The following ERC1 variants were observed in gnomAD, a reference collection of about 807,000 sequenced individuals.
ERC1 encodes RAB6 interacting protein 2.
Under a neutral mutation model 132.0 loss-of-function variants are expected in ERC1, and 56 were observed. The observed-to-expected ratio is 0.42, with a 90% CI of 0.34 to 0.53. ERC1 has a LOEUF of 0.53. Among genes scored for constraint, ERC1 ranks in the 20% least tolerant of loss-of-function variants. The probability of loss-of-function intolerance (pLI) is 0.03; values close to 1 mark genes in which losing one functional copy is unlikely to be tolerated. For synonymous variants in ERC1, 478 were observed against 476.1 expected (o/e 1.00, Z -0.05); for missense variants, 1,202 against 1,349.9 (o/e 0.89, Z 1.72).
intron 17 of ERC1, among the ~76,000 whole-genome samples, chr12:1,423,450 T>C (rs1159898932): frequency 6.6e-6 from 1 of 152,202 alleles, no homozygotes; most frequent in Non-Finnish European, 1.5e-5. Flanking sequence ...CATTGTATTG[T>C]CTTAATTATT....
chr12:1,162,282 T>G (rs1951954310), intron 8 of ERC1, among the ~76,000 whole-genome samples: 2 of 152,248 alleles, frequency 1.3e-5, no homozygotes. Context: ...AATAAATCAC[T>G]GACCTGGAAA....
At position 1,244,781 on chromosome 12, in the gene ERC1, A is replaced by G. The variant is rs370733977; in HGVS notation, c.2487+7877A>G. 2.5e-3 allele frequency: 672 copies of G among 267,034 alleles called. 18 individuals carry two copies. Among genetic ancestry groups the G allele is most frequent in the South Asian group, 0.022 (657 of 29,760 alleles). The allele number at this position is 267,034 out of a possible 1,614,324, so 16.5% of individuals were successfully genotyped here. On this transcript the variant is annotated intron_variant, in intron 13 of 18. Coordinates refer to ENST00000360905, the MANE Select transcript of ERC1 (RefSeq NM_178040.4). ...TGATCTGCCTGCCTCGGCCTCTACA[A>G]GTGCTGGGATTACAGGTGTGAACCA... is the stretch of plus-strand genomic sequence containing the variant.
At position 1,371,899 on chromosome 12, in the gene ERC1, C is replaced by G; in HGVS notation, c.2847C>G (p.Ser949=). The G allele has an allele frequency of 6.2e-7, 1 of 1,614,098 alleles. No homozygotes were observed. Among genetic ancestry groups the G allele is most frequent in the Non-Finnish European group, 8.5e-7 (1 of 1,180,010 alleles). ...ATATAGCTCTCTTGGAGCTTTCGTC[C>G]TCTAAGAAGAAGACCCAAGAGGAAG... ...DANIALLELS[S]SKKKTQEEVA... The change falls in exon 16 of 19, where the codon TCC becomes TCG. Residue 949 remains serine, a synonymous_variant. Coordinates refer to ENST00000360905, the MANE Select transcript of ERC1 (RefSeq NM_178040.4).
Position 1,289,845 on chromosome 12 carries a change from A to G in ERC1, c.2620-7A>G. On this transcript the variant is annotated splice_region_variant and splice_polypyrimidine_tract_variant and intron_variant, in intron 14 of 18. Transcript: ENST00000360905. Reference sequence around the variant, plus strand: ...CTCTGTTGTTCTCTTTCCCATATTTATGATAGGTGGAGGAGTTACTGATGG... The same window carrying G: ...CTCTGTTGTTCTCTTTCCCATATTTGTGATAGGTGGAGGAGTTACTGATGG... The G allele has an allele frequency of 6.2e-7, 1 of 1,612,182 alleles. No individual in the cohort carries two copies. Among genetic ancestry groups the G allele is most frequent in the Non-Finnish European group, 8.5e-7 (1 of 1,178,496 alleles).
At chr12:1,239,362 A>G (rs1379154166) in intron 13 of ERC1, among the ~76,000 whole-genome samples, 1 of 152,006 alleles carries the variant, frequency 6.6e-6, no homozygotes, top group Non-Finnish European at 1.5e-5. Flanking sequence ...GGCCCTATGG[A>G]TCATATTTAG....
chr12:1,011,231 C>A (rs1180866948), intron 1 of ERC1, among the ~76,000 whole-genome samples: 3 of 152,142 alleles, frequency 2.0e-5, no homozygotes, highest in Non-Finnish European at 2.9e-5. Context: ...CAAGGTCTCA[C>A]TCCGTCACCC....
chr12:1,381,414 A>G (rs1254537954), intron 16 of ERC1, among the ~76,000 whole-genome samples: 1 of 152,124 alleles, frequency 6.6e-6, no homozygotes, highest in Non-Finnish European at 1.5e-5. Flanking sequence ...TGCGGTGTGC[A>G]GTCATAGCTC....
intron 17 of ERC1, among the ~76,000 whole-genome samples, chr12:1,413,795 A>G (rs1212561452): frequency 6.6e-6 from 1 of 152,242 alleles, no homozygotes; most frequent in Non-Finnish European, 1.5e-5. Context: ...TGGGTCCAAT[A>G]GCCATGAAGT....
intron 15 of ERC1, among the ~76,000 whole-genome samples, chr12:1,367,666 C>A (rs953354179): frequency 6.6e-6 from 1 of 152,096 alleles, no homozygotes; most frequent in Non-Finnish European, 1.5e-5. Context: ...GAAATTTGCC[C>A]AGATGGGGGA....
chr12:1,221,074 T>A (rs1487793566), intron 12 of ERC1, among the ~76,000 whole-genome samples: 1 of 152,216 alleles, frequency 6.6e-6, no homozygotes, highest in Non-Finnish European at 1.5e-5. Flanking sequence ...CTTATCACTG[T>A]CTGACATACC....
intron 18 of ERC1, among the ~76,000 whole-genome samples, chr12:1,452,057 G>A (rs569739051): frequency 6.6e-6 from 1 of 152,252 alleles, no homozygotes; most frequent in East Asian, 1.9e-4. Context: ...TTGGATTTCT[G>A]GCTTCCAGAA....
chr12:1,103,517 G>T (rs1242997488), intron 3 of ERC1, among the ~76,000 whole-genome samples: 1 of 152,200 alleles, frequency 6.6e-6, no homozygotes, highest in Non-Finnish European at 1.5e-5. Context: ...GGATTAAAAG[G>T]TATATTTTTG....
chr12:1,297,178 TG>T (rs1399308041), intron 15 of ERC1, among the ~76,000 whole-genome samples: 1 of 141,390 alleles, frequency 7.1e-6, no homozygotes, highest in Non-Finnish European at 1.5e-5. Flanking sequence ...CTGAAGACAA[TG>T]GAACTTCTTT....
chr12:1,010,876 A>G (rs1479881633), intron 1 of ERC1, among the ~76,000 whole-genome samples: 2 of 152,080 alleles, frequency 1.3e-5, no homozygotes, highest in Non-Finnish European at 2.9e-5. Context: ...GCAGTGTGCC[A>G]TTCCACCCGT....
intron 11 of ERC1, among the ~76,000 whole-genome samples, chr12:1,188,873 C>T (rs909656318): frequency 6.6e-6 from 1 of 152,058 alleles, no homozygotes; most frequent in African/African-American, 2.4e-5. Flanking sequence ...AACGTCTAAG[C>T]TTTTGTCTTC....
intron 15 of ERC1, among the ~76,000 whole-genome samples, chr12:1,355,858 T>C (rs74057165): frequency 0.067 from 10,131 of 151,966 alleles, 620 homozygotes; most frequent in African/African-American, 0.15. Flanking sequence ...GCTTCAGAAA[T>C]GGGAAAAATG....
intron 8 of ERC1, among the ~76,000 whole-genome samples, chr12:1,150,961 G>T (rs1446644609): frequency 1.3e-5 from 2 of 152,160 alleles, no homozygotes; most frequent in Admixed American, 1.3e-4. Context: ...TAATGTATCC[G>T]TGTTGATTAA....
intron 18 of ERC1, among the ~76,000 whole-genome samples, chr12:1,454,661 G>A (rs952884656): frequency 3.3e-5 from 5 of 152,148 alleles, no homozygotes; most frequent in African/African-American, 1.2e-4. Flanking sequence ...AATAATTAAA[G>A]TCTTCTTTGT....
intron 17 of ERC1, among the ~76,000 whole-genome samples, chr12:1,421,786 G>A (rs564279657): frequency 8.9e-4 from 135 of 152,132 alleles, no homozygotes; most frequent in Non-Finnish European, 1.4e-3. Context: ...GGGAGGCTGA[G>A]GCAGGTGGAT....
Sources: gnomAD v4.1 joint callset for allele counts (sites outside exome capture counted in the v4.1 genomes callset) on GRCh38, gnomAD v4.1.1 for gene constraint, MANE v1.5 for transcripts, NCBI Gene and HGNC (gene_info 2026-07-23, HGNC 2026-07-21) for gene names.